The following PM20D1 variants were observed in gnomAD, a reference collection of about 807,000 sequenced individuals.
PM20D1 encodes the protein peptidase M20 domain containing 1, also known as N-fatty-acyl-amino acid synthase/hydrolase PM20D1.
In PM20D1, 53 loss-of-function variants were observed where a neutral mutation model predicts 53.8. The observed-to-expected ratio is 0.98, with a 90% CI of 0.79 to 1.24. The LOEUF is 1.24. Ranked by LOEUF, PM20D1 falls within the 50% of genes most tolerant of loss-of-function variation. The probability of loss-of-function intolerance (pLI) is 0.00; values close to 1 mark genes in which losing one functional copy is unlikely to be tolerated. For synonymous variants in PM20D1, 239 were observed against 241.3 expected (o/e 0.99, Z 0.09); for missense variants, 564 against 616.8 (o/e 0.91, Z 0.91).
intron 2 of PM20D1, among the ~76,000 whole-genome samples, chr1:205,847,052 C>G (rs1195360231): frequency 3.4e-5 from 4 of 119,330 alleles, no homozygotes; most frequent in South Asian, 3.2e-4. Context: ...AGGTCTTGCT[C>G]TCTCACTTAC....
At position 205,843,997 on chromosome 1, in the gene PM20D1, G is replaced by A. The variant is rs552131537; in HGVS notation, c.707+90C>T. 8.7e-5 allele frequency: 133 copies of A among 1,521,892 alleles called. No individual in the cohort carries two copies. The South Asian group carries it at 1.1e-3, about 13-fold the overall frequency. 94.3% of individuals were successfully genotyped at this position (1,521,892 alleles called of 1,614,324 possible). ...ATGCGAGAGGTGTACACAAAGAGTT[G>A]TCTCAGCATGGCTCACAGATACCAG... On this transcript the variant is annotated intron_variant, in intron 5 of 12. Transcript: ENST00000367136.
chr1:205,833,671 T>C (rs1483723263), intron 10 of PM20D1, among the ~76,000 whole-genome samples: 2 of 152,140 alleles, frequency 1.3e-5, no homozygotes, highest in African/African-American at 4.8e-5. Context: ...TTAGGTCACA[T>C]AGAGCCACGT....
rs12067149 is a variant in PM20D1 at position 205,835,677 on chromosome 1, G to T, written c.1117-2911C>A. Among the ~76,000 whole-genome samples, 3 of 108,296 alleles carry T rather than the reference G, an allele frequency of 2.8e-5. No individual in the cohort carries two copies. The East Asian group carries it at 1.5e-3, about 54-fold the overall frequency. 71.0% of individuals were successfully genotyped at this position (108,296 alleles called of 152,430 possible). ...AAAAAAAAAAAAAAAAAAAAAAAAA[G>T]GTGTAATGTGCGTAGGGCAGTGCCT... On this transcript the variant is annotated intron_variant, in intron 10 of 12. Coordinates refer to ENST00000367136, the MANE Select transcript of PM20D1 (RefSeq NM_152491.5).
chr1:205,828,855 C>T (rs1407036288), intron 12 of PM20D1, 112 bp from the exon 13 acceptor site: 2 of 1,392,996 alleles, frequency 1.4e-6, no homozygotes, highest in African/African-American at 1.4e-5. Context: ...AACTACTGGC[C>T]CTCCAGGGCT....
intron 10 of PM20D1, 49 bp from the exon 11 acceptor site, chr1:205,832,815 A>T (rs1319690079): frequency 6.7e-7 from 1 of 1,496,934 alleles, no homozygotes; most frequent in African/African-American, 1.4e-5. Flanking sequence ...ATTTCTATAC[A>T]TGTACAATAT....
At chr1:205,830,192 T>G in intron 12 of PM20D1, 88 bp downstream of exon 12, 1 of 1,025,258 alleles carries the variant, frequency 9.8e-7, no homozygotes, top group South Asian at 1.4e-5. Context: ...CCCCTGATTC[T>G]GTGGACTGCC....
chr1:205,828,538 A>C lies in PM20D1; in HGVS notation c.*82T>G, dbSNP rs754930669. ...TGTTTTACAATGTGGTTTTGATCAAAAGTTTCATCAACACTAGCTTTCCCC... is the reference window on the plus strand; with the variant it reads ...TGTTTTACAATGTGGTTTTGATCAACAGTTTCATCAACACTAGCTTTCCCC... On this transcript the variant is annotated 3_prime_UTR_variant, in exon 13 of 13. Coordinates refer to ENST00000367136, the MANE Select transcript of PM20D1 (RefSeq NM_152491.5). 17 of 1,560,418 alleles carry C rather than the reference A, an allele frequency of 1.1e-5. 1 individual carries two copies. Among genetic ancestry groups the C allele is most frequent in the Admixed American group, 5.4e-5 (3 of 55,258 alleles).
At chr1:205,829,881 C>T (rs1340456613) in intron 12 of PM20D1, 2 of 160,756 alleles carry the variant, frequency 1.2e-5, no homozygotes, top group African/African-American at 4.8e-5. Flanking sequence ...AACACGCATC[C>T]ACCTTTGACC....
rs775563292 is a variant in PM20D1 at position 205,842,251 on chromosome 1, T to A, written c.904-36A>T. 1.0e-5 allele frequency: 16 copies of A among 1,577,178 alleles called. No homozygotes were observed. In the Admixed American group the frequency reaches 1.3e-4, roughly 13 times the overall value. Reference sequence around the variant, plus strand: ...ACAAGGTCAGCACCACAGGGTCACCTCTAGTTTAGCCTGGGTCTCTGAGAC... The same window carrying A: ...ACAAGGTCAGCACCACAGGGTCACCACTAGTTTAGCCTGGGTCTCTGAGAC... On this transcript the variant is annotated intron_variant, in intron 7 of 12. Coordinates refer to ENST00000367136, the MANE Select transcript of PM20D1 (RefSeq NM_152491.5).
rs1180726864 is a variant in PM20D1, at chr1:205,842,097, T to TG, written c.965+56dup. 2.6e-6 allele frequency: 4 copies of TG among 1,527,162 alleles called. No individual in the cohort carries two copies. In the African/African-American group the frequency reaches 5.6e-5, roughly 21 times the overall value. The allele number at this position is 1,527,162 out of a possible 1,614,324, so 94.6% of individuals were successfully genotyped here. On this transcript the variant is annotated intron_variant, in intron 8 of 12. Coordinates refer to ENST00000367136, the MANE Select transcript of PM20D1 (RefSeq NM_152491.5). ...CCCAGTTAAGCCAAGGAGAGGGGCC[T>TG]GGGGGGTGGGTAGGTTTGAGGTGAG... is the stretch of plus-strand genomic sequence containing the variant.
At chr1:205,844,293 T>G in intron 4 of PM20D1, 76 bp from the exon 5 acceptor site, 1 of 1,458,496 alleles carries the variant, frequency 6.9e-7, no homozygotes, top group Non-Finnish European at 9.1e-7. Flanking sequence ...TGGGGACCTA[T>G]TCAGCCTAGC....
Position 205,828,581 on chromosome 1 carries a change from C to T in PM20D1, c.*39G>A, listed in dbSNP as rs376774839. The T allele has an allele frequency of 1.0e-4, 168 of 1,612,276 alleles. No homozygotes were observed. The highest frequency in any genetic ancestry group is 1.4e-4 in the Non-Finnish European group (160 of 1,179,364). On this transcript the variant is annotated 3_prime_UTR_variant, in exon 13 of 13. Transcript: ENST00000367136. ...CTTTCCCCCTTGGGTTAGTCCTGTC[C>T]CGGGGTCGGGCATGCCTAACCCAGC...
intron 1 of PM20D1, among the ~76,000 whole-genome samples, chr1:205,849,080 T>A (rs1657069339): frequency 6.6e-6 from 1 of 152,254 alleles, no homozygotes; most frequent in South Asian, 2.1e-4. Flanking sequence ...ACAATCTATA[T>A]CCAACTATTG....
intron 10 of PM20D1, among the ~76,000 whole-genome samples, chr1:205,838,649 T>C (rs1656737580): frequency 6.6e-6 from 1 of 152,232 alleles, no homozygotes; most frequent in Non-Finnish European, 1.5e-5. Flanking sequence ...CTCCAGCCTA[T>C]ATCTCTAGTT....
Position 205,849,855 on chromosome 1 carries a change from G to C in PM20D1, c.169+49C>G, listed in dbSNP as rs1181217162. The C allele has an allele frequency of 1.9e-6, 3 of 1,552,738 alleles. No homozygotes were observed. In the East Asian group the frequency reaches 7.1e-5, roughly 37 times the overall value. On this transcript the variant is annotated intron_variant, in intron 1 of 12. Transcript: ENST00000367136. The stretch of plus-strand genomic sequence containing the variant: ...GGGAGTCACGGGTTGACCTGGGGAG[G>C]GAGGGACCCACATATGAGCATAGGT...
intron 9 of PM20D1, 99 bp downstream of exon 9, chr1:205,841,712 C>G (rs1412959540): frequency 8.1e-7 from 1 of 1,230,826 alleles, no homozygotes; most frequent in Non-Finnish European, 1.2e-6. Flanking sequence ...ATCCAGCTGA[C>G]ACACACAGAA....
rs989500151 is a variant in PM20D1 at position 205,830,043 on chromosome 1, C to T, written c.1385+237G>A. 51 of 420,684 alleles carry T rather than the reference C, an allele frequency of 1.2e-4. 1 individual carries two copies. The highest frequency in any genetic ancestry group is 1.8e-4 in the Non-Finnish European group (42 of 232,566). The allele number at this position is 420,684 out of a possible 1,614,324, so 26.1% of individuals were successfully genotyped here. A position where few individuals can be genotyped will look rare whatever the true frequency, so the allele number is the denominator to read the frequency against. ...GATTCCACCAGGTTCTCCCCAATCA[C>T]CCAATTATCTCCATCTTTGTAAAAG... is the stretch of plus-strand genomic sequence containing the variant. On this transcript the variant is annotated intron_variant, in intron 12 of 12. Coordinates refer to ENST00000367136, the MANE Select transcript of PM20D1 (RefSeq NM_152491.5).
chr1:205,831,673 C>T (rs1460857947), intron 11 of PM20D1, among the ~76,000 whole-genome samples: 1 of 151,612 alleles, frequency 6.6e-6, no homozygotes, highest in Non-Finnish European at 1.5e-5. Flanking sequence ...AAGCGATTCT[C>T]CTGCCTCATC....
Position 205,850,027 on chromosome 1 carries a change from G to A in PM20D1, c.46C>T (p.Leu16Phe), listed in dbSNP as rs1235565205. ...VCVLALVAML[L>F]LVFPTVSRSM... Reference sequence around the variant, plus strand: ...CTGGAGACGGTAGGGAAAACTAGGAGCAGCATAGCCACCAGGGCCAGCACG... The same window carrying A: ...CTGGAGACGGTAGGGAAAACTAGGAACAGCATAGCCACCAGGGCCAGCACG... Residue 16 changes from leucine to phenylalanine, a missense_variant, in exon 1 of 13, where the codon CTC becomes TTC. By Grantham distance (22) the Leu-to-Phe change is conservative (BLOSUM62 0). Transcript: ENST00000367136. 1.2e-6 allele frequency: 2 copies of A among 1,614,034 alleles called. No homozygotes were observed. Among genetic ancestry groups the A allele is most frequent in the Non-Finnish European group, 8.5e-7 (1 of 1,180,018 alleles).
Sources: allele counts gnomAD v4.1 joint callset (sites outside exome capture counted in the v4.1 genomes callset), GRCh38; gene constraint gnomAD v4.1.1; transcripts MANE v1.5; gene names NCBI Gene and HGNC (gene_info 2026-07-23, HGNC 2026-07-21).